Variants in KCNK13 observed in about 807,000 individuals in gnomAD.
KCNK13 encodes the protein potassium two pore domain channel subfamily K member 13.
KCNK13 carries 12 observed loss-of-function variants against 23.4 expected under a neutral mutation model. That is an observed-to-expected ratio of 0.51 (90% CI 0.33 to 0.83). The LOEUF (loss-of-function observed/expected upper bound fraction) is 0.83. Among genes scored for constraint, KCNK13 ranks in the 40% least tolerant of loss-of-function variants. KCNK13 has a pLI of 0.02. For missense variants in KCNK13, 463 were observed against 556.3 expected, an observed-to-expected ratio of 0.83 and a Z score of 1.69; for synonymous variants, 231 against 229.5, an observed-to-expected ratio of 1.01 and a Z score of -0.06.
Position 90,170,625 on chromosome 14 carries a change from C to A in KCNK13, c.335-13486C>A, listed in dbSNP as rs574171714. ...GGGCTTCAAATCTAAAGGGGAAGGG[C>A]GGGATATTGAGAAGTATACAATTTT... On this transcript the variant is annotated intron_variant, in intron 1 of 1. Coordinates refer to ENST00000282146, the MANE Select transcript of KCNK13 (RefSeq NM_022054.4). 1.1e-4 allele frequency among the ~76,000 whole-genome samples: 16 copies of A among 151,994 alleles called. No individual in the cohort carries two copies. The East Asian group carries it at 1.9e-3, about 18-fold the overall frequency.
chr14:90,087,142 A>G (rs1198173485), intron 1 of KCNK13, among the ~76,000 whole-genome samples: 39 of 113,432 alleles, frequency 3.4e-4, no homozygotes, highest in Non-Finnish European at 4.8e-4. Context: ...ATATATATAT[A>G]TATATATATA....
intron 1 of KCNK13, among the ~76,000 whole-genome samples, chr14:90,066,371 A>G (rs1289550593): frequency 2.0e-5 from 3 of 149,048 alleles, no homozygotes; most frequent in Non-Finnish European, 4.5e-5. Flanking sequence ...GGTGCAAGCA[A>G]TTCTCCTGCC....
rs566378320 is a variant in KCNK13, at chr14:90,131,692, G to A, written c.335-52419G>A. Among the ~76,000 whole-genome samples, 20 of 152,338 alleles carry A rather than the reference G, an allele frequency of 1.3e-4. No homozygotes were observed. In the South Asian group the frequency reaches 2.1e-3, roughly 16 times the overall value. On this transcript the variant is annotated intron_variant, in intron 1 of 1. Transcript: ENST00000282146. ...ATAGGCGTAAGCCATCACACCCAGC[G>A]AATGTTTTGTAGATTTTGTAGAGGC...
chr14:90,134,584 A>G (rs538990930), intron 1 of KCNK13, among the ~76,000 whole-genome samples: 1 of 152,334 alleles, frequency 6.6e-6, no homozygotes, highest in African/African-American at 2.4e-5. Flanking sequence ...CAAGGTGTTC[A>G]CAATAATAGC....
chr14:90,080,325 G>A (rs1483085059), intron 1 of KCNK13, among the ~76,000 whole-genome samples: 9 of 151,966 alleles, frequency 5.9e-5, no homozygotes, highest in Admixed American at 2.6e-4. Context: ...GCCTGGTGGC[G>A]GGTGCCTGTA....
At chr14:90,157,823 C>T (rs1890211899) in intron 1 of KCNK13, among the ~76,000 whole-genome samples, 1 of 151,676 alleles carries the variant, frequency 6.6e-6, no homozygotes, top group South Asian at 2.1e-4. Context: ...GCCTCAGCCT[C>T]CCGAGTAGCT....
intron 1 of KCNK13, chr14:90,107,708 C>A (rs8008107): frequency 0.27 from 206,261 of 760,422 alleles, 29,770 homozygotes; most frequent in East Asian, 0.42. Flanking sequence ...CAAAATCCAG[C>A]CTGGGAAGGT....
At chr14:90,083,529 C>T (rs1889237303) in intron 1 of KCNK13, among the ~76,000 whole-genome samples, 1 of 152,110 alleles carries the variant, frequency 6.6e-6, no homozygotes, top group Admixed American at 6.6e-5. Flanking sequence ...GCCATTATAA[C>T]AATATAAAGA....
intron 1 of KCNK13, among the ~76,000 whole-genome samples, chr14:90,093,577 G>T: frequency 6.6e-6 from 1 of 152,126 alleles, no homozygotes; most frequent in East Asian, 1.9e-4. Flanking sequence ...TCCCCAGCGT[G>T]CCCAGCCTAA....
chr14:90,095,187 CG>C (rs1394210588), intron 1 of KCNK13, among the ~76,000 whole-genome samples: 2 of 152,202 alleles, frequency 1.3e-5, no homozygotes, highest in Non-Finnish European at 2.9e-5. Flanking sequence ...GGAACCACTG[CG>C]GCTAGCTTTA....
intron 1 of KCNK13, among the ~76,000 whole-genome samples, chr14:90,088,243 A>G (rs1445048384): frequency 2.6e-5 from 4 of 152,122 alleles, no homozygotes; most frequent in Non-Finnish European, 5.9e-5. Flanking sequence ...TTAAATTAGA[A>G]ATTGCCACTG....
chr14:90,178,717 T>A (rs1890452744), intron 1 of KCNK13, among the ~76,000 whole-genome samples: 1 of 152,206 alleles, frequency 6.6e-6, no homozygotes, highest in East Asian at 1.9e-4. Context: ...CTGACACATA[T>A]TCCCAAATTG....
intron 1 of KCNK13, among the ~76,000 whole-genome samples, chr14:90,178,231 C>CAAAAGAA (rs1890444842): frequency 2.7e-5 from 2 of 75,072 alleles, no homozygotes; most frequent in Non-Finnish European, 5.0e-5. Flanking sequence ...TTCCTAAAAG[C>CAAAAGAA]AAAAAAAAAA....
chr14:90,165,018 G>A (rs1189134405), intron 1 of KCNK13, among the ~76,000 whole-genome samples: 3 of 152,164 alleles, frequency 2.0e-5, no homozygotes, highest in Admixed American at 6.5e-5. Context: ...AGGAGGCCTC[G>A]CAGTCATGGT....
Position 90,062,891 on chromosome 14 carries a change from C to T in KCNK13, c.334+352C>T, listed in dbSNP as rs1267691304. ...GATTTTCAGTCTAATGAAGGAGACACGGCTTGAGTTCATGGGGAAGAAGGC... is the reference window on the plus strand; with the variant it reads ...GATTTTCAGTCTAATGAAGGAGACATGGCTTGAGTTCATGGGGAAGAAGGC... On this transcript the variant is annotated intron_variant, in intron 1 of 1. Transcript: ENST00000282146. The surrounding 1 kb of genome is among the most constrained non-coding windows in gnomAD (Gnocchi z 4.5). 6.6e-6 allele frequency among the ~76,000 whole-genome samples: 1 copy of T among 152,110 alleles called. No homozygotes were observed. Among genetic ancestry groups the T allele is most frequent in the Non-Finnish European group, 1.5e-5 (1 of 68,026 alleles).
At chr14:90,143,796 G>A (rs1251549154) in intron 1 of KCNK13, among the ~76,000 whole-genome samples, 3 of 152,200 alleles carry the variant, frequency 2.0e-5, no homozygotes, top group Non-Finnish European at 4.4e-5. Flanking sequence ...GAGAAAAAGA[G>A]CCCAGTTGGC....
chr14:90,141,794 T>TTG (rs60315935), intron 1 of KCNK13, among the ~76,000 whole-genome samples: 6,353 of 125,626 alleles, frequency 0.051, 344 homozygotes, highest in South Asian at 0.21. Context: ...TTTTGTTTTT[T>TTG]GGGGGGGGGG....
At chr14:90,150,153 T>A (rs1235128047) in intron 1 of KCNK13, among the ~76,000 whole-genome samples, 1 of 152,146 alleles carries the variant, frequency 6.6e-6, no homozygotes, top group Non-Finnish European at 1.5e-5. Flanking sequence ...CTGTAGAAAT[T>A]TCCCAGCCAA....
rs1890541985 is a variant in KCNK13 at position 90,185,643 on chromosome 14, T to C, written c.*640T>C. 1 of 152,222 alleles carries C rather than the reference T, an allele frequency of 6.6e-6. No individual in the cohort carries two copies. The highest frequency in any genetic ancestry group is 2.1e-4 in the South Asian group (1 of 4,824). The allele number at this position is 152,222 out of a possible 1,614,324, so 9.4% of individuals were successfully genotyped here. On this transcript the variant is annotated 3_prime_UTR_variant, in exon 2 of 2. Coordinates refer to ENST00000282146, the MANE Select transcript of KCNK13 (RefSeq NM_022054.4). ...ACCTCAATGTAATAAGAAAATTAAA[T>C]TCAGCTTCAGGCCTTTAAACTGCAG...
Sources: allele counts gnomAD v4.1 joint callset (sites outside exome capture counted in the v4.1 genomes callset), GRCh38; gene constraint gnomAD v4.1.1; non-coding constraint Gnocchi (gnomAD v3.1); transcripts MANE v1.5; gene names NCBI Gene and HGNC (gene_info 2026-07-23, HGNC 2026-07-21).